Variants in KLHL22 observed in about 807,000 individuals in gnomAD.
KLHL22 encodes the protein kelch-like protein 22.
In KLHL22, 18 loss-of-function variants were observed where a neutral mutation model predicts 60.7. The observed-to-expected ratio is 0.30, with a 90% CI of 0.20 to 0.44. KLHL22 has a LOEUF of 0.44. Among genes scored for constraint, KLHL22 ranks in the 20% least tolerant of loss-of-function variants. KLHL22 has a pLI of 1.00. For missense variants in KLHL22, 596 were observed against 852.3 expected, an observed-to-expected ratio of 0.70 and a Z score of 3.74; for synonymous variants, 355 against 354.5, an observed-to-expected ratio of 1.00 and a Z score of -0.01.
At chr22:20,447,601 G>A (rs1385007671) in intron 5 of KLHL22, among the ~76,000 whole-genome samples, 2 of 147,724 alleles carry the variant, frequency 1.4e-5, no homozygotes, top group Non-Finnish European at 3.0e-5. Context: ...GGAGTGCAGT[G>A]GCACGATCTC....
intron 5 of KLHL22, among the ~76,000 whole-genome samples, chr22:20,453,484 G>C (rs936267980): frequency 6.6e-6 from 1 of 152,048 alleles, no homozygotes; most frequent in African/African-American, 2.4e-5. Context: ...TCAGGTCTGT[G>C]GGTTTTCCAT....
At chr22:20,471,662 G>A in intron 2 of KLHL22, 147 bp from the exon 3 acceptor site, 2 of 775,900 alleles carry the variant, frequency 2.6e-6, no homozygotes, top group South Asian at 3.4e-5. Flanking sequence ...TGAGTGAACT[G>A]TGTGCATGCA....
At chr22:20,493,117 A>G (rs1410019989) in intron 1 of KLHL22, 4 of 470,644 alleles carry the variant, frequency 8.5e-6, no homozygotes, top group Non-Finnish European at 1.3e-5. Flanking sequence ...AACTACCCCA[A>G]TAGACATCAA....
intron 2 of KLHL22, among the ~76,000 whole-genome samples, chr22:20,475,725 G>A (rs576437531): frequency 7.2e-5 from 11 of 152,036 alleles, no homozygotes; most frequent in East Asian, 1.9e-4. Context: ...CACCACACCC[G>A]GCTAATTTTG....
At chr22:20,479,866 A>C (rs2053471207) in intron 2 of KLHL22, among the ~76,000 whole-genome samples, 3 of 152,242 alleles carry the variant, frequency 2.0e-5, no homozygotes, top group Non-Finnish European at 4.4e-5. Context: ...ATATAGCCAA[A>C]GAACTGAAAG....
At chr22:20,458,064 A>G in intron 4 of KLHL22, 64 bp from the exon 5 acceptor site, 3 of 1,561,664 alleles carry the variant, frequency 1.9e-6, no homozygotes, top group Admixed American at 1.8e-5. Flanking sequence ...GCAGGCTTGC[A>G]CCTCTTGTTC....
At chr22:20,476,562 C>T (rs1228292418) in intron 2 of KLHL22, among the ~76,000 whole-genome samples, 1 of 146,466 alleles carries the variant, frequency 6.8e-6, no homozygotes, top group Non-Finnish European at 1.5e-5. Flanking sequence ...TACAGGTGCC[C>T]GCCACGTCGC....
intron 3 of KLHL22, among the ~76,000 whole-genome samples, chr22:20,469,712 G>A (rs2053284391): frequency 6.6e-6 from 1 of 151,918 alleles, no homozygotes; most frequent in Non-Finnish European, 1.5e-5. Context: ...GGCTGCCAGG[G>A]CCCTGTCACA....
intron 2 of KLHL22, chr22:20,483,178 C>A: frequency 1.6e-6 from 1 of 638,778 alleles, no homozygotes; most frequent in South Asian, 1.7e-5. Context: ...TCAAGGAGTC[C>A]AGGTTGATCT....
intron 2 of KLHL22, among the ~76,000 whole-genome samples, chr22:20,478,350 C>T (rs970020926): frequency 3.3e-5 from 5 of 151,676 alleles, no homozygotes; most frequent in South Asian, 2.1e-4. Context: ...GGATTACAGG[C>T]ATGCGCCACC....
At chr22:20,463,721 T>C (rs776863334) in intron 4 of KLHL22, among the ~76,000 whole-genome samples, 8 of 152,254 alleles carry the variant, frequency 5.3e-5, no homozygotes, top group Non-Finnish European at 1.0e-4. Context: ...GTTTCCTTTT[T>C]TCTGAAACCT....
At position 20,442,222 on chromosome 22, in the gene KLHL22, G is replaced by A. The variant is rs1316071298; in HGVS notation, c.1756C>T (p.Leu586=). The change falls in exon 7 of 7, where the codon CTG becomes TTG. Residue 586 remains leucine (L), a synonymous_variant. Transcript: ENST00000328879. ...GPQLDNSISG[L]AACVLTLPRS... is the part of the protein sequence containing the mutation. Reference sequence around the variant, plus strand: ...GGCAGGGTGAGCACACAGGCCGCCAGGCCTGAGATGGAGTTGTCCAGCTGG... The same window carrying A: ...GGCAGGGTGAGCACACAGGCCGCCAAGCCTGAGATGGAGTTGTCCAGCTGG... The A allele has an allele frequency of 3.7e-6, 6 of 1,607,316 alleles. No homozygotes were observed. In the Admixed American group the frequency reaches 6.7e-5, roughly 18 times the overall value.
intron 6 of KLHL22, among the ~76,000 whole-genome samples, chr22:20,443,965 C>T (rs147176890): frequency 1.7e-3 from 251 of 150,644 alleles, no homozygotes; most frequent in African/African-American, 5.9e-3. Flanking sequence ...GCAGGAGAAT[C>T]GCTTAAACCC....
At chr22:20,457,329 C>T (rs971307254) in intron 5 of KLHL22, among the ~76,000 whole-genome samples, 4 of 151,614 alleles carry the variant, frequency 2.6e-5, no homozygotes, top group African/African-American at 9.7e-5. Context: ...AAAAATAAAA[C>T]CTTAGAGTGT....
At chr22:20,486,185 A>AAG (rs2053584970) in intron 2 of KLHL22, among the ~76,000 whole-genome samples, 1 of 150,930 alleles carries the variant, frequency 6.6e-6, no homozygotes, top group Non-Finnish European at 1.5e-5. Context: ...AAAAAAAAAA[A>AAG]GAAATTTATG....
chr22:20,442,888 C>T (rs2052786080), intron 6 of KLHL22, among the ~76,000 whole-genome samples: 2 of 152,262 alleles, frequency 1.3e-5, no homozygotes, highest in Non-Finnish European at 2.9e-5. Context: ...CTGCAGCACT[C>T]AACACAGGCA....
At position 20,464,961 on chromosome 22, in the gene KLHL22, G is replaced by C; in HGVS notation, c.1009C>G (p.Pro337Ala). The change falls in exon 4 of 7, where the codon CCC becomes GCC. Residue 337 changes from proline (P) to alanine (A), a missense_variant. Transcript: ENST00000328879. ...EWKHFTASLA[P>A]RMSNQGIAVL... is the part of the protein sequence containing the mutation. ...GCGATGCCCTGGTTGGACATGCGGG[G>C]GGCCAGGGAGGCAGTGAAGTGCTTC... 4 of 1,608,496 alleles carry C rather than the reference G, an allele frequency of 2.5e-6. No individual in the cohort carries two copies. The highest frequency in any genetic ancestry group is 8.5e-7 in the Non-Finnish European group (1 of 1,177,152).
At chr22:20,491,442 T>A (rs2053688737) in intron 1 of KLHL22, 1 of 152,182 alleles carries the variant, frequency 6.6e-6, no homozygotes, top group African/African-American at 2.4e-5. Flanking sequence ...TGAAGCTACC[T>A]AGGGGCTGCT....
intron 6 of KLHL22, among the ~76,000 whole-genome samples, chr22:20,444,778 T>TG: frequency 1.3e-5 from 2 of 151,896 alleles, no homozygotes; most frequent in Non-Finnish European, 2.9e-5. Context: ...GGGATGCTCT[T>TG]TTTTGTTTGT....
Sources: gnomAD v4.1 joint callset for allele counts (sites outside exome capture counted in the v4.1 genomes callset) on GRCh38, gnomAD v4.1.1 for gene constraint, MANE v1.5 for transcripts, NCBI Gene and HGNC (gene_info 2026-07-23, HGNC 2026-07-21) for gene names.